The following TNS3 variants were observed in gnomAD, a reference collection of about 807,000 sequenced individuals.
The protein encoded by TNS3 is tensin 3.
Under a neutral mutation model 140.9 loss-of-function variants are expected in TNS3, and 45 were observed. The ratio of observed to expected loss-of-function variants is 0.32; its 90% confidence interval spans 0.25 to 0.41. The LOEUF (loss-of-function observed/expected upper bound fraction) is 0.41. Among genes scored for constraint, TNS3 ranks in the 10% least tolerant of loss-of-function variants. TNS3 has a pLI of 1.00. For synonymous variants in TNS3, 815 were observed against 788.4 expected (o/e 1.03, Z -0.56); for missense variants, 1,716 against 1,906.7 (o/e 0.90, Z 1.86).
At chr7:47,520,719 GA>G (rs1798943019) in intron 2 of TNS3, among the ~76,000 whole-genome samples, 1 of 152,226 alleles carries the variant, frequency 6.6e-6, no homozygotes, top group South Asian at 2.1e-4. Flanking sequence ...TTATTCAGAT[GA>G]AATTTGGCCT....
intron 1 of TNS3, among the ~76,000 whole-genome samples, chr7:47,554,190 G>A (rs542632027): frequency 3.3e-5 from 5 of 150,728 alleles, no homozygotes; most frequent in African/African-American, 9.7e-5. Context: ...AGGCCAAGAC[G>A]GGTAGATCAC....
At chr7:47,317,581 G>A (rs181646110) in intron 20 of TNS3, among the ~76,000 whole-genome samples, 2 of 152,332 alleles carry the variant, frequency 1.3e-5, no homozygotes, top group East Asian at 1.9e-4. Flanking sequence ...CACTAAGTGA[G>A]GCCAGTTCCT....
intron 2 of TNS3, among the ~76,000 whole-genome samples, chr7:47,509,163 C>T (rs1798519656): frequency 6.6e-6 from 1 of 152,222 alleles, no homozygotes; most frequent in African/African-American, 2.4e-5. Flanking sequence ...ATGATACATT[C>T]ATGGTGGGTG....
At chr7:47,501,115 G>C (rs1006952623) in intron 3 of TNS3, among the ~76,000 whole-genome samples, 1 of 139,980 alleles carries the variant, frequency 7.1e-6, no homozygotes, top group African/African-American at 2.7e-5. Flanking sequence ...AAGGGAGAAA[G>C]GGAGAAGAGG....
chr7:47,377,581 T>C (rs1791474566), intron 16 of TNS3, among the ~76,000 whole-genome samples: 2 of 152,316 alleles, frequency 1.3e-5, no homozygotes, highest in African/African-American at 2.4e-5. Flanking sequence ...TTTTACTGCA[T>C]GTAAATTGCA....
chr7:47,570,094 G>A (rs1021298001), intron 1 of TNS3, among the ~76,000 whole-genome samples: 47 of 152,254 alleles, frequency 3.1e-4, no homozygotes, highest in African/African-American at 1.1e-3. Flanking sequence ...AGGTTGCAGT[G>A]AGCCAAGATC....
chr7:47,470,785 G>T, intron 4 of TNS3: 1 of 289,422 alleles, frequency 3.5e-6, no homozygotes, highest in Non-Finnish European at 5.2e-6. Context: ...GCTGACACCA[G>T]GGTTAATATG....
Position 47,292,838 on chromosome 7 carries a change from G to T in TNS3, c.3840C>A (p.Ile1280=). ...TPLALPCKLL[I]PERDPLEEIA... ...CTGAGGACCCCTTACCTCTCTCTGG[G>T]ATAAGCAGCTTGCACGGCAAGGCCA... Residue 1280 remains isoleucine (I), a synonymous_variant, in exon 26 of 31, where the codon ATC becomes ATA. Transcript: ENST00000311160. 1 of 1,614,080 alleles carries T rather than the reference G, an allele frequency of 6.2e-7. No individual in the cohort carries two copies. The highest frequency in any genetic ancestry group is 8.5e-7 in the Non-Finnish European group (1 of 1,180,004).
intron 3 of TNS3, chr7:47,481,671 A>G: frequency 3.0e-6 from 3 of 985,446 alleles, no homozygotes; most frequent in African/African-American, 3.5e-5. Flanking sequence ...TCCATTCCGC[A>G]CAAGAGACGG....
intron 4 of TNS3, among the ~76,000 whole-genome samples, chr7:47,457,134 A>AGGGGGG (rs1562766133): frequency 1.0e-4 from 1 of 9,608 alleles, no homozygotes; most frequent in Admixed American, 1.5e-3. Context: ...AGGGGAGGGG[A>AGGGGGG]GGAGGGGAGG....
Position 47,407,703 on chromosome 7 carries a change from T to C in TNS3, c.723+4024A>G, listed in dbSNP as rs1793525528. Among the ~76,000 whole-genome samples the C allele has an allele frequency of 6.6e-6, 1 of 152,082 alleles. No homozygotes were observed. The highest frequency in any genetic ancestry group is 2.4e-5 in the African/African-American group (1 of 41,394). On this transcript the variant is annotated intron_variant, in intron 13 of 30. Coordinates refer to ENST00000311160, the MANE Select transcript of TNS3 (RefSeq NM_022748.12). The surrounding 1 kb of genome is among the most constrained non-coding windows in gnomAD (Gnocchi z 4.1). The stretch of plus-strand genomic sequence containing the variant: ...CAAAGGTAAATTAAAATGAGGTCAT[T>C]AGGCTGGGCCCGAATGAATGATAAC...
rs1785050522 is a variant in TNS3 at position 47,279,907 on chromosome 7, A to C, written c.4193+257T>G. 3 of 543,804 alleles carry C rather than the reference A, an allele frequency of 5.5e-6. No homozygotes were observed. In the African/African-American group the frequency reaches 5.7e-5, roughly 10 times the overall value. 33.7% of individuals were successfully genotyped at this position (543,804 alleles called of 1,614,324 possible). ...AATGGCCAAAAAGGCTGTGCCATCC[A>C]TCTCCCTGTATCTATGCCACAGTGT... On this transcript the variant is annotated intron_variant, in intron 30 of 30. Transcript: ENST00000311160.
intron 28 of TNS3, among the ~76,000 whole-genome samples, chr7:47,282,717 G>A (rs1211581027): frequency 1.3e-5 from 2 of 152,152 alleles, no homozygotes; most frequent in Admixed American, 1.3e-4. Flanking sequence ...TCAGTGTCAG[G>A]GGCACTGAAC....
chr7:47,385,066 G>A (rs571506884), intron 16 of TNS3, among the ~76,000 whole-genome samples: 2 of 152,290 alleles, frequency 1.3e-5, no homozygotes, highest in South Asian at 2.1e-4. Context: ...CCTTGTACAG[G>A]TCAAGTGACG....
intron 3 of TNS3, chr7:47,481,594 T>A: frequency 3.2e-6 from 3 of 931,926 alleles, no homozygotes; most frequent in Non-Finnish European, 3.8e-6. Flanking sequence ...CAAGGGGCCA[T>A]CTTTTCTAGA....
intron 16 of TNS3, among the ~76,000 whole-genome samples, chr7:47,372,496 C>T (rs1791132058): frequency 6.6e-6 from 1 of 152,180 alleles, no homozygotes; most frequent in Admixed American, 6.5e-5. Context: ...AGAACAGTAC[C>T]TGATTAGAAG....
intron 20 of TNS3, among the ~76,000 whole-genome samples, chr7:47,310,212 T>A (rs1254243523): frequency 1.3e-5 from 2 of 152,174 alleles, no homozygotes; most frequent in East Asian, 1.9e-4. Flanking sequence ...GAGTCCTAAG[T>A]GGCAGAGGTA....
At chr7:47,463,564 G>C (rs941562757) in intron 4 of TNS3, among the ~76,000 whole-genome samples, 10 of 152,190 alleles carry the variant, frequency 6.6e-5, no homozygotes, top group African/African-American at 2.2e-4. Context: ...GTCATCTTGT[G>C]CTTAGGGACA....
Position 47,456,436 on chromosome 7 carries a change from G to C in TNS3, c.-75-14381C>G, listed in dbSNP as rs551380503. ...ATTCCCCACCTGGGGAATGGGGGTG[G>C]AAATGGCACATAATGCAGAGTTCTA... On this transcript the variant is annotated intron_variant, in intron 4 of 30. Coordinates refer to ENST00000311160, the MANE Select transcript of TNS3 (RefSeq NM_022748.12). 5.9e-5 allele frequency among the ~76,000 whole-genome samples: 9 copies of C among 152,316 alleles called. No individual in the cohort carries two copies. The South Asian group carries it at 1.0e-3, about 18-fold the overall frequency.
Sources: gnomAD v4.1 joint callset for allele counts (sites outside exome capture counted in the v4.1 genomes callset) on GRCh38, gnomAD v4.1.1 for gene constraint, Gnocchi (gnomAD v3.1) non-coding constraint, MANE v1.5 for transcripts, NCBI Gene and HGNC (gene_info 2026-07-23, HGNC 2026-07-21) for gene names.